Variants in CTNNA3 observed in about 807,000 individuals in gnomAD.
The protein encoded by CTNNA3 is catenin alpha 3, also known as catenin alpha-3.
Under a neutral mutation model 95.7 loss-of-function variants are expected in CTNNA3, and 76 were observed. The ratio of observed to expected loss-of-function variants is 0.79; its 90% CI spans 0.66 to 0.96. CTNNA3 has a LOEUF of 0.96. Ranked by LOEUF, CTNNA3 falls within the 40% of genes least tolerant of loss-of-function variation. The pLI is 0.00. For synonymous variants in CTNNA3, 431 were observed against 374.4 expected, an observed-to-expected ratio of 1.15 and a Z score of -1.74; for missense variants, 1,191 against 1,089.8, an observed-to-expected ratio of 1.09 and a Z score of -1.31.
chr10:67,712,978 T>A (rs1432070622), intron 1 of CTNNA3, among the ~76,000 whole-genome samples: 2 of 152,066 alleles, frequency 1.3e-5, no homozygotes, highest in East Asian at 1.9e-4. Flanking sequence ...AAAGAAACTA[T>A]CTTCAGAGGG....
At chr10:66,193,982 CT>C (rs1018744249) in intron 13 of CTNNA3, among the ~76,000 whole-genome samples, 1 of 152,106 alleles carries the variant, frequency 6.6e-6, no homozygotes, top group Non-Finnish European at 1.5e-5. Context: ...ATTATGTCTT[CT>C]TTCAGAGAGA....
chr10:66,507,032 G>C (rs534800333), intron 11 of CTNNA3, among the ~76,000 whole-genome samples: 76 of 152,098 alleles, frequency 5.0e-4, no homozygotes, highest in African/African-American at 1.8e-3. Context: ...TTTTGCTCTT[G>C]CTAACATTAT....
At chr10:66,252,256 A>T (rs901858609) in intron 13 of CTNNA3, among the ~76,000 whole-genome samples, 3 of 151,884 alleles carry the variant, frequency 2.0e-5, no homozygotes, top group African/African-American at 7.3e-5. Context: ...CTTTTAGCTG[A>T]CTCTTGCTCC....
In CTNNA3 at chr10:66,506,592, C is replaced by G. The variant is rs370117051; in HGVS notation, c.1531+14025G>C. Among the ~76,000 whole-genome samples the G allele has an allele frequency of 3.9e-4, 59 of 152,200 alleles. 1 individual carries two copies. The South Asian group carries it at 0.012, about 31-fold the overall frequency. The stretch of plus-strand genomic sequence containing the variant: ...AAAGATTTTGTTTACGTAACAAATA[C>G]AATTCTTTTGAAATCTGATTCATAT... On this transcript the variant is annotated intron_variant, in intron 11 of 17. Coordinates refer to ENST00000433211, the MANE Select transcript of CTNNA3 (RefSeq NM_013266.4).
chr10:67,604,312 A>AG (rs1250963583), intron 3 of CTNNA3, among the ~76,000 whole-genome samples: 4 of 152,206 alleles, frequency 2.6e-5, no homozygotes, highest in African/African-American at 9.6e-5. Context: ...GGAACATATG[A>AG]GGGAGGTGCA....
intron 5 of CTNNA3, among the ~76,000 whole-genome samples, chr10:67,451,390 A>G (rs1238510700): frequency 6.8e-6 from 1 of 147,572 alleles, no homozygotes; most frequent in Non-Finnish European, 1.5e-5. Context: ...AACCTATGGT[A>G]AAAAAAAAAG....
chr10:67,721,497 T>G (rs1841179778), intron 1 of CTNNA3, among the ~76,000 whole-genome samples: 1 of 152,218 alleles, frequency 6.6e-6, no homozygotes, highest in African/African-American at 2.4e-5. Flanking sequence ...GCTGTGTTTT[T>G]CAGCTCCATC....
At chr10:66,636,002 G>C (rs1364424992) in intron 9 of CTNNA3, among the ~76,000 whole-genome samples, 1 of 52,534 alleles carries the variant, frequency 1.9e-5, no homozygotes, top group Non-Finnish European at 4.8e-5. Flanking sequence ...GTGTGTGTGT[G>C]TGTGTGTGTG....
intron 7 of CTNNA3, among the ~76,000 whole-genome samples, chr10:66,870,600 C>T (rs1844358374): frequency 6.6e-6 from 1 of 152,062 alleles, no homozygotes; most frequent in Admixed American, 6.5e-5. Flanking sequence ...AATTTTTGGA[C>T]TTCATAATAT....
At chr10:66,215,865 A>G (rs2088496855) in intron 13 of CTNNA3, among the ~76,000 whole-genome samples, 3 of 152,240 alleles carry the variant, frequency 2.0e-5, no homozygotes, top group Non-Finnish European at 4.4e-5. Flanking sequence ...ATTAACAATT[A>G]CATTCTGGAG....
chr10:67,754,401 G>T (rs938344681), intron 1 of CTNNA3, among the ~76,000 whole-genome samples: 2 of 151,946 alleles, frequency 1.3e-5, no homozygotes, highest in Non-Finnish European at 2.9e-5. Flanking sequence ...AAACCACCAT[G>T]GCACATGTTT....
chr10:67,533,254 G>A (rs1291658863), intron 4 of CTNNA3, among the ~76,000 whole-genome samples: 1 of 151,922 alleles, frequency 6.6e-6, no homozygotes, highest in African/African-American at 2.4e-5. Context: ...AACCTGGGAG[G>A]TGAAGGTTGC....
intron 17 of CTNNA3, among the ~76,000 whole-genome samples, chr10:65,933,320 T>G (rs972456984): frequency 6.6e-6 from 1 of 152,170 alleles, no homozygotes; most frequent in Non-Finnish European, 1.5e-5. Flanking sequence ...AGAAAATGAT[T>G]TACTGTTTTC....
At chr10:65,930,954 A>C (rs529861083) in intron 17 of CTNNA3, among the ~76,000 whole-genome samples, 52 of 152,310 alleles carry the variant, frequency 3.4e-4, no homozygotes, top group African/African-American at 1.2e-3. Flanking sequence ...TATACTGTAC[A>C]TGTTTATATA....
intron 12 of CTNNA3, among the ~76,000 whole-genome samples, chr10:66,286,938 T>C (rs1326810823): frequency 3.3e-5 from 5 of 152,066 alleles, no homozygotes; most frequent in Non-Finnish European, 4.4e-5. Flanking sequence ...TTATTTTTTA[T>C]TGATACATAA....
At chr10:65,946,172 T>C (rs189154425) in intron 17 of CTNNA3, among the ~76,000 whole-genome samples, 12 of 152,230 alleles carry the variant, frequency 7.9e-5, no homozygotes, top group Admixed American at 5.9e-4. Context: ...CCATGGAGGA[T>C]TTTTTGGTAA....
intron 9 of CTNNA3, among the ~76,000 whole-genome samples, chr10:66,631,508 A>C (rs1360768066): frequency 6.6e-6 from 1 of 152,186 alleles, no homozygotes; most frequent in Non-Finnish European, 1.5e-5. Context: ...TTTGAACTGG[A>C]TATCAATAGA....
At position 67,577,730 on chromosome 10, in the gene CTNNA3, AC is replaced by A. The variant is rs201830894; in HGVS notation, c.292+29126del. Reference sequence around the variant, plus strand: ...TGTGTGTGTGTGTGTGTGTATATATACTACATTTTCTTTATCCATTCATCTA... The same window carrying A: ...TGTGTGTGTGTGTGTGTGTATATATATACATTTTCTTTATCCATTCATCTA... On this transcript the variant is annotated intron_variant, in intron 3 of 17. Transcript: ENST00000433211. Among the ~76,000 whole-genome samples, 310 of 151,448 alleles carry A rather than the reference AC, an allele frequency of 2.0e-3. 3 individuals are homozygous for A. The highest frequency in any genetic ancestry group is 7.1e-3 in the African/African-American group (292 of 41,104).
intron 9 of CTNNA3, among the ~76,000 whole-genome samples, chr10:66,625,563 A>AT (rs1428914120): frequency 6.6e-6 from 1 of 151,754 alleles, no homozygotes; most frequent in Non-Finnish European, 1.5e-5. Context: ...TAATTTTTGT[A>AT]TTTTTTGTAG....
Sources: gnomAD v4.1 joint callset for allele counts (sites outside exome capture counted in the v4.1 genomes callset) on GRCh38, gnomAD v4.1.1 for gene constraint, MANE v1.5 for transcripts, NCBI Gene and HGNC (gene_info 2026-07-23, HGNC 2026-07-21) for gene names.